Variants in YEATS2 observed in about 807,000 individuals in gnomAD.
YEATS2 encodes the protein YEATS domain containing 2.
Under a neutral mutation model 163.2 loss-of-function variants are expected in YEATS2, and 77 were observed. The ratio of observed to expected loss-of-function variants is 0.47; its 90% CI spans 0.39 to 0.57. The LOEUF is 0.57. Ranked by LOEUF, YEATS2 falls within the 20% of genes least tolerant of loss-of-function variation. The pLI, the probability that YEATS2 is intolerant of heterozygous loss-of-function variation, is 0.00. For missense variants in YEATS2, 1,549 were observed against 1,729.8 expected, an observed-to-expected ratio of 0.90 and a Z score of 1.85; for synonymous variants, 631 against 645.1, an observed-to-expected ratio of 0.98 and a Z score of 0.33.
At chr3:183,700,770 C>CAAAA (rs774835127) in intron 1 of YEATS2, among the ~76,000 whole-genome samples, 3 of 37,710 alleles carry the variant, frequency 8.0e-5, no homozygotes, top group Admixed American at 3.7e-4. Context: ...GACTTCGTCT[C>CAAAA]AAAAAAAAAA....
chr3:183,742,441 G>C (rs1186368557), intron 8 of YEATS2, among the ~76,000 whole-genome samples: 2 of 152,180 alleles, frequency 1.3e-5, no homozygotes, highest in Non-Finnish European at 2.9e-5. Flanking sequence ...GATGACTTAA[G>C]TTCAAGACTT....
intron 21 of YEATS2, among the ~76,000 whole-genome samples, chr3:183,796,863 G>A (rs933264568): frequency 1.3e-5 from 2 of 152,094 alleles, no homozygotes; most frequent in African/African-American, 4.8e-5. Context: ...TTTTCTCTGC[G>A]GTAGGACTTT....
chr3:183,767,552 T>C (rs1722028388), intron 15 of YEATS2, among the ~76,000 whole-genome samples: 1 of 151,998 alleles, frequency 6.6e-6, no homozygotes, highest in Admixed American at 6.6e-5. Flanking sequence ...AGCTAATTTT[T>C]TTGTATTTTT....
At chr3:183,771,996 G>A (rs996395895) in intron 15 of YEATS2, among the ~76,000 whole-genome samples, 1 of 151,892 alleles carries the variant, frequency 6.6e-6, no homozygotes, top group Non-Finnish European at 1.5e-5. Context: ...CAAAGTGCTG[G>A]GATTACAGGC....
At chr3:183,715,377 G>A (rs975171422) in intron 2 of YEATS2, 115 bp downstream of exon 2, 10 of 732,680 alleles carry the variant, frequency 1.4e-5, no homozygotes, top group South Asian at 3.8e-5. Context: ...GAAGGGGTTC[G>A]TGAGAGAGAT....
chr3:183,699,467 C>CTT (rs1713834365), intron 1 of YEATS2, among the ~76,000 whole-genome samples: 1 of 151,546 alleles, frequency 6.6e-6, no homozygotes, highest in Admixed American at 6.6e-5. Flanking sequence ...AATCCCAGCA[C>CTT]TTTGAGAGAC....
intron 7 of YEATS2, among the ~76,000 whole-genome samples, chr3:183,733,529 A>T (rs1718024074): frequency 6.6e-6 from 1 of 152,226 alleles, no homozygotes; most frequent in Non-Finnish European, 1.5e-5. Flanking sequence ...GGTGAGGACT[A>T]TTAACGTATG....
chr3:183,708,160 CTTT>C (rs35605564), intron 1 of YEATS2, among the ~76,000 whole-genome samples: 1 of 120,908 alleles, frequency 8.3e-6, no homozygotes, highest in African/African-American at 3.1e-5. Context: ...GAATTGGCCA[CTTT>C]TTTTTTTTTT....
chr3:183,761,987 A>C (rs551454602), intron 14 of YEATS2, 110 bp from the exon 15 acceptor site: 44 of 1,411,776 alleles, frequency 3.1e-5, no homozygotes, highest in Admixed American at 1.9e-4. Flanking sequence ...TTACGTATCA[A>C]GTTTCATCAA....
intron 13 of YEATS2, among the ~76,000 whole-genome samples, chr3:183,759,282 T>TA (rs1460565204): frequency 6.6e-6 from 1 of 152,210 alleles, no homozygotes; most frequent in Non-Finnish European, 1.5e-5. Flanking sequence ...TTTACTAACT[T>TA]ACTTGGATCT....
At position 183,723,502 on chromosome 3, in the gene YEATS2, G is replaced by A. The variant is rs879753640; in HGVS notation, c.538-917G>A. ...CAGAAAAGTAAAAAAGAATAGAAAA[G>A]TTCATTCGTGAGGCTGCCACCCCCA... On this transcript the variant is annotated intron_variant, in intron 5 of 30. Coordinates refer to ENST00000305135, the MANE Select transcript of YEATS2 (RefSeq NM_018023.5). Among the ~76,000 whole-genome samples the A allele has an allele frequency of 4.3e-3, 651 of 152,296 alleles. 5 individuals are homozygous for A. Among genetic ancestry groups the A allele is most frequent in the Middle Eastern group, 0.01 (3 of 294 alleles).
At position 183,773,658 on chromosome 3, in the gene YEATS2, C is replaced by T; in HGVS notation, c.2232C>T (p.Ala744=). Residue 744 remains alanine (A), a synonymous_variant, in exon 17 of 31, where the codon GCC becomes GCT. Coordinates refer to ENST00000305135, the MANE Select transcript of YEATS2 (RefSeq NM_018023.5). ...TAATGGCAACGTTGCAGCTACCAGCCACTAATTTGGCCAACTTGGCAAATT... is the reference window on the plus strand; with the variant it reads ...TAATGGCAACGTTGCAGCTACCAGCTACTAATTTGGCCAACTTGGCAAATT... ...GSVMATLQLP[A]TNLANLANLP... 1 of 1,609,432 alleles carries T rather than the reference C, an allele frequency of 6.2e-7. No individual in the cohort carries two copies. The highest frequency in any genetic ancestry group is 1.1e-5 in the South Asian group (1 of 89,898).
intron 6 of YEATS2, among the ~76,000 whole-genome samples, 158 bp downstream of exon 6, chr3:183,724,689 G>A (rs1384311280): frequency 6.6e-6 from 1 of 152,080 alleles, no homozygotes. Context: ...ACTTTATTAG[G>A]GTAATTTTGC....
chr3:183,787,876 G>A (rs540026571), intron 20 of YEATS2, among the ~76,000 whole-genome samples: 17 of 151,952 alleles, frequency 1.1e-4, no homozygotes, highest in Admixed American at 8.5e-4. Context: ...GGTGACGGGC[G>A]CCTGTAGTCC....
In YEATS2 at chr3:183,800,459, C is replaced by G; in HGVS notation, c.3326-7C>G. 1 of 1,611,718 alleles carries G rather than the reference C, an allele frequency of 6.2e-7. No individual in the cohort carries two copies. The highest frequency in any genetic ancestry group is 1.3e-5 in the African/African-American group (1 of 74,964). ...ACAGCTGCCTCTTTGTTGCTCTTCCCTTGTAGTGAAGACTGAACCAGAAAC... is the reference window on the plus strand; with the variant it reads ...ACAGCTGCCTCTTTGTTGCTCTTCCGTTGTAGTGAAGACTGAACCAGAAAC... On this transcript the variant is annotated splice_region_variant and splice_polypyrimidine_tract_variant and intron_variant, in intron 23 of 30. Coordinates refer to ENST00000305135, the MANE Select transcript of YEATS2 (RefSeq NM_018023.5).
Position 183,697,985 on chromosome 3 carries a change from G to A in YEATS2, c.-28G>A, listed in dbSNP as rs1713645454. On this transcript the variant is annotated 5_prime_UTR_variant, in exon 1 of 31. Transcript: ENST00000305135. ...GGGCCCGCGCTGCAGCCGGAGACCC[G>A]GAGAAAGGGTGAGTGTTGGCGGGCG... is the stretch of plus-strand genomic sequence containing the variant. 1 of 151,902 alleles carries A rather than the reference G, an allele frequency of 6.6e-6. No individual in the cohort carries two copies. Among genetic ancestry groups the A allele is most frequent in the African/African-American group, 2.4e-5 (1 of 41,400 alleles). 9.4% of individuals were successfully genotyped at this position (151,902 alleles called of 1,614,324 possible). A position where few individuals can be genotyped will look rare whatever the true frequency, so the allele number is the denominator to read the frequency against.
In YEATS2 at chr3:183,715,146, A is replaced by C; in HGVS notation, c.-17A>C. On this transcript the variant is annotated splice_region_variant and 5_prime_UTR_variant, in exon 2 of 31. Transcript: ENST00000305135. The stretch of plus-strand genomic sequence containing the variant: ...ATTAATTTATCATTGCTTCACAGTG[A>C]AGAACTGAATGTCATCATGTCTGGA... 6.3e-7 allele frequency: 1 copy of C among 1,581,626 alleles called. No individual in the cohort carries two copies. Among genetic ancestry groups the C allele is most frequent in the South Asian group, 1.1e-5 (1 of 89,538 alleles).
intron 3 of YEATS2, 35 bp downstream of exon 3, chr3:183,717,783 C>A (rs991078283): frequency 7.6e-7 from 1 of 1,314,476 alleles, no homozygotes; most frequent in South Asian, 1.7e-5. Flanking sequence ...AACACCAAAG[C>A]TATTGAAAAA....
intron 1 of YEATS2, among the ~76,000 whole-genome samples, chr3:183,702,213 G>A (rs922326971): frequency 6.6e-6 from 1 of 152,190 alleles, no homozygotes; most frequent in Non-Finnish European, 1.5e-5. Context: ...GGGAGGCCAA[G>A]GCGGGTGGAT....
Sources: gnomAD v4.1 joint callset for allele counts (sites outside exome capture counted in the v4.1 genomes callset) on GRCh38, gnomAD v4.1.1 for gene constraint, MANE v1.5 for transcripts, NCBI Gene and HGNC (gene_info 2026-07-23, HGNC 2026-07-21) for gene names.